NAV3: variants seen among roughly 807,000 people sequenced by gnomAD.
NAV3 encodes neuron navigator 3.
In NAV3, 87 loss-of-function variants were observed where a neutral mutation model predicts 244.7. The ratio of observed to expected loss-of-function variants is 0.36; its 90% confidence interval spans 0.30 to 0.42. NAV3 has a LOEUF of 0.42. Ranked by LOEUF, NAV3 falls within the 20% of genes least tolerant of loss-of-function variation. The pLI is 1.00. For missense variants in NAV3, 2,663 were observed against 2,893.3 expected (o/e 0.92, Z 1.83); for synonymous variants, 1,126 against 1,042.2 (o/e 1.08, Z -1.55).
chr12:77,906,170 G>A (rs371915890), intron 1 of NAV3, among the ~76,000 whole-genome samples: 4 of 152,220 alleles, frequency 2.6e-5, no homozygotes, highest in African/African-American at 9.6e-5. Flanking sequence ...TGTACAATGA[G>A]AGAAGAATAA....
chr12:78,090,960 G>C (rs1331706027), intron 12 of NAV3, among the ~76,000 whole-genome samples: 1,464 of 78,662 alleles, frequency 0.019, 14 homozygotes, highest in African/African-American at 0.055. Context: ...TATTCTGTGT[G>C]TGTGTGTGTG....
At chr12:78,159,607 C>T (rs1328919739) in intron 23 of NAV3, among the ~76,000 whole-genome samples, 2 of 151,586 alleles carry the variant, frequency 1.3e-5, no homozygotes, top group Non-Finnish European at 2.9e-5. Flanking sequence ...AGGCAGAGGA[C>T]GCAGTGAGCC....
chr12:77,802,197 CTGTTTA>C (rs1871744517), intron 2 of NAV3, among the ~76,000 whole-genome samples: 1 of 152,064 alleles, frequency 6.6e-6, no homozygotes, highest in Admixed American at 6.6e-5. Context: ...GTATATATTT[CTGTTTA>C]TATTTTGGTA....
At chr12:77,807,954 G>A (rs565634942) in intron 2 of NAV3, among the ~76,000 whole-genome samples, 9 of 151,714 alleles carry the variant, frequency 5.9e-5, no homozygotes, top group African/African-American at 9.7e-5. Flanking sequence ...CTTTTCTTCC[G>A]CTTGATGGAT....
rs868020254 is a variant in NAV3 at position 78,212,410 on chromosome 12, T to A, written c.*1893T>A. The A allele has an allele frequency of 6.6e-6, 1 of 152,626 alleles. No homozygotes were observed. The allele number at this position is 152,626 out of a possible 1,614,324, so 9.5% of individuals were successfully genotyped here. A position where few individuals can be genotyped will look rare whatever the true frequency, so the allele number is the denominator to read the frequency against. ...TATAGAACAACAACACCACGAAACA[T>A]CTGTGCAGTTTTCAGAGTGTCACAA... is the stretch of plus-strand genomic sequence containing the variant. On this transcript the variant is annotated 3_prime_UTR_variant, in exon 40 of 40. Transcript: ENST00000397909.
intron 2 of NAV3, among the ~76,000 whole-genome samples, chr12:77,800,834 A>G (rs1302950482): frequency 6.6e-6 from 1 of 152,060 alleles, no homozygotes; most frequent in Non-Finnish European, 1.5e-5. Context: ...CTTTTTTTTG[A>G]AAGATAAATG....
chr12:77,846,516 G>C (rs1311812747), intron 1 of NAV3, among the ~76,000 whole-genome samples: 1 of 152,162 alleles, frequency 6.6e-6, no homozygotes, highest in Non-Finnish European at 1.5e-5. Flanking sequence ...AGATTCTTCA[G>C]TCCCAGGCAA....
chr12:78,118,813 AAG>A (rs1044307435), intron 14 of NAV3, among the ~76,000 whole-genome samples: 3 of 152,150 alleles, frequency 2.0e-5, no homozygotes, highest in Non-Finnish European at 4.4e-5. Flanking sequence ...TTTTTTTAAA[AAG>A]ACTCTCCCCG....
chr12:78,067,116 G>C (rs1885107720), intron 12 of NAV3, among the ~76,000 whole-genome samples: 1 of 151,946 alleles, frequency 6.6e-6, no homozygotes, highest in Non-Finnish European at 1.5e-5. Flanking sequence ...AATATCTCTG[G>C]GATCAGGTTC....
chr12:77,744,890 G>A (rs1172903476), intron 2 of NAV3, among the ~76,000 whole-genome samples: 7 of 151,810 alleles, frequency 4.6e-5, no homozygotes, highest in Non-Finnish European at 1.5e-5. Flanking sequence ...AGAAGTTGTA[G>A]TGAACTTTTT....
In NAV3 at chr12:78,068,675, G is replaced by T. The variant is rs559365598; in HGVS notation, c.2636+9560G>T. On this transcript the variant is annotated intron_variant, in intron 12 of 39. Transcript: ENST00000397909. ...ATAATACATATATTTTATATATAAT[G>T]GATGTAATATATATAAATCTGTCAT... Among the ~76,000 whole-genome samples the T allele has an allele frequency of 8.2e-5, 12 of 147,170 alleles. 1 individual carries two copies. The South Asian group carries it at 2.5e-3, about 31-fold the overall frequency.
intron 2 of NAV3, among the ~76,000 whole-genome samples, chr12:77,768,523 C>A (rs1312771669): frequency 6.6e-6 from 1 of 152,224 alleles, no homozygotes; most frequent in Non-Finnish European, 1.5e-5. Flanking sequence ...GAGTCAGCAG[C>A]ACCCCAAGCA....
intron 5 of NAV3, among the ~76,000 whole-genome samples, chr12:77,969,803 C>T (rs1892843964): frequency 1.3e-5 from 2 of 150,896 alleles, no homozygotes; most frequent in South Asian, 4.2e-4. Context: ...AAGATCCAGC[C>T]TGGGTGACAG....
intron 14 of NAV3, 45 bp from the exon 15 acceptor site, chr12:78,119,192 T>C (rs2138595471): frequency 6.6e-7 from 1 of 1,524,218 alleles, no homozygotes; most frequent in Non-Finnish European, 8.9e-7. Context: ...TGTGGTGATA[T>C]CAAACTCTAC....
intron 9 of NAV3, among the ~76,000 whole-genome samples, chr12:78,025,694 T>C (rs1183113718): frequency 6.6e-6 from 1 of 151,482 alleles, no homozygotes; most frequent in Non-Finnish European, 1.5e-5. Flanking sequence ...AGATTCCTCA[T>C]GAATGGCTTG....
At chr12:78,122,521 GA>G in intron 16 of NAV3, 93 bp downstream of exon 16, 14 of 1,432,152 alleles carry the variant, frequency 9.8e-6, no homozygotes, top group Non-Finnish European at 1.3e-5. Flanking sequence ...ATTTCACTGT[GA>G]GTGCCCCGGT....
chr12:78,125,106 A>G (rs1955847701), intron 16 of NAV3, among the ~76,000 whole-genome samples: 2 of 152,198 alleles, frequency 1.3e-5, no homozygotes, highest in African/African-American at 2.4e-5. Context: ...AGAAAAGTAG[A>G]TCTAGTGGGT....
upstream of NAV3, among the ~76,000 whole-genome samples, chr12:77,827,977 G>A (rs929485882): frequency 2.6e-5 from 4 of 152,130 alleles, no homozygotes; most frequent in Admixed American, 6.5e-5. Flanking sequence ...GTTTTTAGAA[G>A]AATCAATTCG....
intron 7 of NAV3, among the ~76,000 whole-genome samples, chr12:77,998,863 A>G (rs1872776859): frequency 6.6e-6 from 1 of 152,122 alleles, no homozygotes; most frequent in African/African-American, 2.4e-5. Flanking sequence ...AGTGTTTTTG[A>G]CAATTAAGGT....
Sources: gnomAD v4.1 joint callset for allele counts (sites outside exome capture counted in the v4.1 genomes callset) on GRCh38, gnomAD v4.1.1 for gene constraint, MANE v1.5 for transcripts, NCBI Gene and HGNC (gene_info 2026-07-23, HGNC 2026-07-21) for gene names.